Variants in DAZAP1 observed in about 807,000 individuals in gnomAD.
DAZAP1 encodes DAZ-associated protein 1.
DAZAP1 carries 6 observed loss-of-function variants against 60.1 expected under a neutral mutation model. The observed-to-expected ratio is 0.10, with a 90% CI of 0.05 to 0.20. The LOEUF (loss-of-function observed/expected upper bound fraction) is 0.20. Among genes scored for constraint, DAZAP1 ranks in the 10% least tolerant of loss-of-function variants. The pLI, the probability that DAZAP1 is intolerant of heterozygous loss-of-function variation, is 1.00. For synonymous variants in DAZAP1, 235 were observed against 215.9 expected (o/e 1.09, Z -0.78); for missense variants, 366 against 560.4 (o/e 0.65, Z 3.50).
rs1374790157 is a variant in DAZAP1 at position 1,434,035 on chromosome 19, G to A, written c.1049-702G>A. 1.0e-5 allele frequency: 6 copies of A among 587,456 alleles called. No homozygotes were observed. Among genetic ancestry groups the A allele is most frequent in the African/African-American group, 3.7e-5 (2 of 53,390 alleles). The allele number at this position is 587,456 out of a possible 1,614,324, so 36.4% of individuals were successfully genotyped here. A position where few individuals can be genotyped will look rare whatever the true frequency, so the allele number is the denominator to read the frequency against. ...CGCCCACCTGTGCCCACGTGCACCCGAATGGGAACCCAGAGGTCGTGGGAG... is the reference window on the plus strand; with the variant it reads ...CGCCCACCTGTGCCCACGTGCACCCAAATGGGAACCCAGAGGTCGTGGGAG... On this transcript the variant is annotated intron_variant, in intron 11 of 11. Coordinates refer to ENST00000233078, the MANE Select transcript of DAZAP1 (RefSeq NM_018959.4). The surrounding 1 kb of genome is among the most constrained non-coding windows in gnomAD (Gnocchi z 8.0).
chr19:1,434,673 C>T lies in DAZAP1; in HGVS notation c.1049-64C>T, dbSNP rs886679990. On this transcript the variant is annotated intron_variant, in intron 11 of 11. Transcript: ENST00000233078. The surrounding 1 kb of genome is among the most constrained non-coding windows in gnomAD (Gnocchi z 8.0). ...CTCGGCGGAGCTGTGTCCAGGTGGC[C>T]TCGCTCGACGGCAGTGCCAACCGCC... 5 of 1,576,320 alleles carry T rather than the reference C, an allele frequency of 3.2e-6. No individual in the cohort carries two copies. In the Admixed American group the frequency reaches 5.1e-5, roughly 16 times the overall value.
chr19:1,432,132 C>A lies in DAZAP1; in HGVS notation c.872-382C>A. ...CAAGCACGTCAGGATGCTCCCTTGC[C>A]TGTGCTGGCAGCTTCCTAAACATGG... is the stretch of plus-strand genomic sequence containing the variant. On this transcript the variant is annotated intron_variant, in intron 10 of 11. Transcript: ENST00000233078. The surrounding 1 kb of genome is among the most constrained non-coding windows in gnomAD (Gnocchi z 4.9). 3.8e-6 allele frequency: 1 copy of A among 262,526 alleles called. No homozygotes were observed. Among genetic ancestry groups the A allele is most frequent in the Non-Finnish European group, 7.4e-6 (1 of 135,020 alleles). 16.3% of individuals were successfully genotyped at this position (262,526 alleles called of 1,614,324 possible).
chr19:1,409,055 G>C (rs1600173087), intron 1 of DAZAP1, among the ~76,000 whole-genome samples: 3 of 152,218 alleles, frequency 2.0e-5, no homozygotes, highest in African/African-American at 7.2e-5. Context: ...AATGCCTTTT[G>C]TGGGCTCTCC....
rs1309309086 is a variant in DAZAP1 at position 1,417,416 on chromosome 19, A to G, written c.30-84A>G. On this transcript the variant is annotated intron_variant, in intron 1 of 11. Coordinates refer to ENST00000233078, the MANE Select transcript of DAZAP1 (RefSeq NM_018959.4). ...TGCGTCAGCTGCTTCTGTGGTTTGA[A>G]TTAAGACCTCAGCTTGGCTTGGATG... 2.0e-6 allele frequency: 3 copies of G among 1,482,164 alleles called. No homozygotes were observed. In the African/African-American group the frequency reaches 4.2e-5, roughly 21 times the overall value. The allele number at this position is 1,482,164 out of a possible 1,614,324, so 91.8% of individuals were successfully genotyped here.
Position 1,433,639 on chromosome 19 carries a change from C to A in DAZAP1, c.1048+949C>A. Reference sequence around the variant, plus strand: ...CAAACCCTGGCGTGTCTGAGACTGGCAGGGGGGTGTGAGGCGCCCGGTTGG... The same window carrying A: ...CAAACCCTGGCGTGTCTGAGACTGGAAGGGGGGTGTGAGGCGCCCGGTTGG... On this transcript the variant is annotated intron_variant, in intron 11 of 11. Coordinates refer to ENST00000233078, the MANE Select transcript of DAZAP1 (RefSeq NM_018959.4). The surrounding 1 kb of genome is among the most constrained non-coding windows in gnomAD (Gnocchi z 6.1). 2 of 941,044 alleles carry A rather than the reference C, an allele frequency of 2.1e-6. No homozygotes were observed. The highest frequency in any genetic ancestry group is 3.4e-6 in the Non-Finnish European group (2 of 594,148). 58.3% of individuals were successfully genotyped at this position (941,044 alleles called of 1,614,324 possible).
chr19:1,417,970 G>C (rs1483175386), intron 2 of DAZAP1, among the ~76,000 whole-genome samples: 1 of 152,198 alleles, frequency 6.6e-6, no homozygotes, highest in East Asian at 1.9e-4. Context: ...ACAAAGTCAG[G>C]TTGTAACCGC....
intron 1 of DAZAP1, among the ~76,000 whole-genome samples, chr19:1,412,300 G>C (rs2144713368): frequency 6.6e-6 from 1 of 152,286 alleles, no homozygotes; most frequent in East Asian, 1.9e-4. Flanking sequence ...TGGGTGAAGT[G>C]GTCCTGGTTT....
Position 1,418,217 on chromosome 19 carries a change from C to T in DAZAP1, c.84C>T (p.Ser28=), listed in dbSNP as rs760677841. 2 of 1,614,140 alleles carry T rather than the reference C, an allele frequency of 1.2e-6. No individual in the cohort carries two copies. The highest frequency in any genetic ancestry group is 1.1e-5 in the South Asian group (1 of 91,092). Residue 28 remains serine, a synonymous_variant, in exon 3 of 12, where the codon AGC becomes AGT. Coordinates refer to ENST00000233078, the MANE Select transcript of DAZAP1 (RefSeq NM_018959.4). The surrounding 1 kb of genome is among the most constrained non-coding windows in gnomAD (Gnocchi z 5.7). ...ATTTCTGAGCAGAGACTCTGCGCAG[C>T]TACTTTTCCCAATATGGAGAAGTCG... ...DWSTTQETLR[S]YFSQYGEVVD...
rs959008898 is a variant in DAZAP1, at chr19:1,421,341, C to T, written c.414+83C>T. The T allele has an allele frequency of 7.0e-5, 87 of 1,242,742 alleles. 1 individual carries two copies. Among genetic ancestry groups the T allele is most frequent in the Admixed American group, 2.6e-4 (13 of 50,316 alleles). The allele number at this position is 1,242,742 out of a possible 1,614,324, so 77.0% of individuals were successfully genotyped here. A position where few individuals can be genotyped will look rare whatever the true frequency, so the allele number is the denominator to read the frequency against. On this transcript the variant is annotated intron_variant, in intron 5 of 11. Coordinates refer to ENST00000233078, the MANE Select transcript of DAZAP1 (RefSeq NM_018959.4). ...TGGGCCTTCTTGGGGCTGGAGTGGC[C>T]GAGCCACAGGTGCACGGGCCTTTCA...
chr19:1,419,706 G>A (rs1039612424), intron 4 of DAZAP1, among the ~76,000 whole-genome samples: 1 of 152,188 alleles, frequency 6.6e-6, no homozygotes, highest in Non-Finnish European at 1.5e-5. Context: ...GTAGTAAACT[G>A]CACCACTTGA....
Position 1,433,929 on chromosome 19 carries a change from C to T in DAZAP1, c.1049-808C>T. On this transcript the variant is annotated intron_variant, in intron 11 of 11. Coordinates refer to ENST00000233078, the MANE Select transcript of DAZAP1 (RefSeq NM_018959.4). This position sits in a 1 kb window ranked among gnomAD's most constrained non-coding sequence, Gnocchi z 6.1. The stretch of plus-strand genomic sequence containing the variant: ...GGGCGGGGGTGGACGCTGGCGGTGC[C>T]CTCTGGGAAGGGGCCCTTGCCGGTG... 1.8e-6 allele frequency: 2 copies of T among 1,082,794 alleles called. No homozygotes were observed. Among genetic ancestry groups the T allele is most frequent in the African/African-American group, 1.6e-5 (1 of 64,132 alleles). 67.1% of individuals were successfully genotyped at this position (1,082,794 alleles called of 1,614,324 possible).
In DAZAP1 at chr19:1,434,016, C is replaced by T; in HGVS notation, c.1049-721C>T. 3 of 604,182 alleles carry T rather than the reference C, an allele frequency of 5.0e-6. 1 individual carries two copies. In the South Asian group the frequency reaches 5.9e-5, roughly 12 times the overall value. The allele number at this position is 604,182 out of a possible 1,614,324, so 37.4% of individuals were successfully genotyped here. On this transcript the variant is annotated intron_variant, in intron 11 of 11. Transcript: ENST00000233078. The surrounding 1 kb of genome is among the most constrained non-coding windows in gnomAD (Gnocchi z 8.0). ...ATCCCCCAGAGAGAGCCCACGCCCA[C>T]CTGTGCCCACGTGCACCCGAATGGG... is the stretch of plus-strand genomic sequence containing the variant.
intron 1 of DAZAP1, among the ~76,000 whole-genome samples, chr19:1,413,777 A>G (rs1203730820): frequency 1.3e-5 from 2 of 152,232 alleles, no homozygotes; most frequent in African/African-American, 4.8e-5. Flanking sequence ...TTGCTGTCTC[A>G]GATTCCATAA....
rs545244688 is a variant in DAZAP1 at position 1,418,461 on chromosome 19, G to A, written c.237+91G>A. Reference sequence around the variant, plus strand: ...TTCCTGGACTCTGACCGATGTTTGCGTTAGAGTATGTTTGAACGTGGGGTC... The same window carrying A: ...TTCCTGGACTCTGACCGATGTTTGCATTAGAGTATGTTTGAACGTGGGGTC... On this transcript the variant is annotated intron_variant, in intron 3 of 11. Coordinates refer to ENST00000233078, the MANE Select transcript of DAZAP1 (RefSeq NM_018959.4). The surrounding 1 kb of genome is among the most constrained non-coding windows in gnomAD (Gnocchi z 5.7). 51 of 1,519,944 alleles carry A rather than the reference G, an allele frequency of 3.4e-5. 1 individual carries two copies. Among genetic ancestry groups the A allele is most frequent in the Middle Eastern group, 2.1e-4 (1 of 4,652 alleles). 94.2% of individuals were successfully genotyped at this position (1,519,944 alleles called of 1,614,324 possible). A position where few individuals can be genotyped will look rare whatever the true frequency, so the allele number is the denominator to read the frequency against.
rs1011384000 is a variant in DAZAP1 at position 1,428,593 on chromosome 19, T to C, written c.547-249T>C. On this transcript the variant is annotated intron_variant, in intron 7 of 11. Coordinates refer to ENST00000233078, the MANE Select transcript of DAZAP1 (RefSeq NM_018959.4). The surrounding 1 kb of genome is among the most constrained non-coding windows in gnomAD (Gnocchi z 4.0). ...TGGGCTCGGTCCTGCTGCCCCGCAGTGGGCGGGCTCTGTGTGTCTTACGGT... is the reference window on the plus strand; with the variant it reads ...TGGGCTCGGTCCTGCTGCCCCGCAGCGGGCGGGCTCTGTGTGTCTTACGGT... 1.9e-4 allele frequency: 84 copies of C among 446,688 alleles called. No homozygotes were observed. The highest frequency in any genetic ancestry group is 1.7e-3 in the African/African-American group (82 of 48,528). The allele number at this position is 446,688 out of a possible 1,614,324, so 27.7% of individuals were successfully genotyped here.
chr19:1,418,437 T>C lies in DAZAP1; in HGVS notation c.237+67T>C, dbSNP rs115385203. 2,385 of 1,576,810 alleles carry C rather than the reference T, an allele frequency of 1.5e-3. 35 individuals are homozygous for C. In the African/African-American group the frequency reaches 0.028, roughly 18 times the overall value. Reference sequence around the variant, plus strand: ...CCTGTCCTTCCTCTGCTTCATTTTTTCCTGGACTCTGACCGATGTTTGCGT... The same window carrying C: ...CCTGTCCTTCCTCTGCTTCATTTTTCCCTGGACTCTGACCGATGTTTGCGT... On this transcript the variant is annotated intron_variant, in intron 3 of 11. Coordinates refer to ENST00000233078, the MANE Select transcript of DAZAP1 (RefSeq NM_018959.4). The surrounding 1 kb of genome is among the most constrained non-coding windows in gnomAD (Gnocchi z 5.7).
chr19:1,434,580 C>A lies in DAZAP1; in HGVS notation c.1049-157C>A. 1 of 663,384 alleles carries A rather than the reference C, an allele frequency of 1.5e-6. No individual in the cohort carries two copies. The allele number at this position is 663,384 out of a possible 1,614,324, so 41.1% of individuals were successfully genotyped here. A position where few individuals can be genotyped will look rare whatever the true frequency, so the allele number is the denominator to read the frequency against. The stretch of plus-strand genomic sequence containing the variant: ...GAGAGAACATGCCCGGGGTCCTCTC[C>A]CCGGCCCAGGTGCTGGCCTCAGAAG... On this transcript the variant is annotated intron_variant, in intron 11 of 11. Transcript: ENST00000233078. The surrounding 1 kb of genome is among the most constrained non-coding windows in gnomAD (Gnocchi z 8.0).
Position 1,435,113 on chromosome 19 carries a change from T to TA in DAZAP1, c.*209dup, listed in dbSNP as rs893721091. On this transcript the variant is annotated 3_prime_UTR_variant, in exon 12 of 12. Transcript: ENST00000233078. ...TTCTTTCTCTAACCCATCAGCACAA[T>TA]AAAAAAAAGTCACTGGTTCAACAAC... is the stretch of plus-strand genomic sequence containing the variant. 1.9e-5 allele frequency: 7 copies of TA among 360,078 alleles called. No individual in the cohort carries two copies. The highest frequency in any genetic ancestry group is 4.2e-5 in the African/African-American group (2 of 47,560). The allele number at this position is 360,078 out of a possible 1,614,324, so 22.3% of individuals were successfully genotyped here.
At chr19:1,430,412 C>G (rs979194211) in intron 10 of DAZAP1, 50 bp downstream of exon 10, 1 of 1,446,422 alleles carries the variant, frequency 6.9e-7, no homozygotes, top group South Asian at 1.5e-5. Context: ...TCCGGAGATG[C>G]CAGGTGGTGG....
Sources: gnomAD v4.1 joint callset for allele counts (sites outside exome capture counted in the v4.1 genomes callset) on GRCh38, gnomAD v4.1.1 for gene constraint, Gnocchi (gnomAD v3.1) non-coding constraint, MANE v1.5 for transcripts, NCBI Gene and HGNC (gene_info 2026-07-23, HGNC 2026-07-21) for gene names.